CNTNAP2: variants seen among roughly 807,000 people sequenced by gnomAD.
CNTNAP2 encodes the protein contactin associated protein 2.
A neutral mutation model predicts 155.2 loss-of-function variants in CNTNAP2; 98 were observed. That is an observed-to-expected ratio of 0.63 (90% confidence interval 0.54 to 0.75). CNTNAP2 has a LOEUF of 0.75. Ranked by LOEUF, CNTNAP2 falls within the 30% of genes least tolerant of loss-of-function variation. The probability of loss-of-function intolerance (pLI) is 0.00; values close to 1 mark genes in which losing one functional copy is unlikely to be tolerated. For missense variants in CNTNAP2, 1,727 were observed against 1,688.1 expected, an observed-to-expected ratio of 1.02 and a Z score of -0.40; for synonymous variants, 651 against 631.2, an observed-to-expected ratio of 1.03 and a Z score of -0.47.
intron 8 of CNTNAP2, among the ~76,000 whole-genome samples, chr7:147,234,838 C>G (rs1803764436): frequency 6.6e-6 from 1 of 152,158 alleles, no homozygotes; most frequent in South Asian, 2.1e-4. Flanking sequence ...AGTTTTGCAT[C>G]TTTGGCAGGA....
intron 8 of CNTNAP2, among the ~76,000 whole-genome samples, chr7:147,286,561 A>T (rs1378991734): frequency 6.6e-6 from 1 of 152,126 alleles, no homozygotes; most frequent in Non-Finnish European, 1.5e-5. Context: ...TACCCAATAA[A>T]GTCAAATGGT....
At chr7:148,349,809 C>T (rs1798396242) in intron 21 of CNTNAP2, among the ~76,000 whole-genome samples, 1 of 152,146 alleles carries the variant, frequency 6.6e-6, no homozygotes, top group South Asian at 2.1e-4. Context: ...ATAGCAGGAC[C>T]AAAGACCCTG....
At chr7:147,950,874 G>C (rs115677756) in intron 14 of CNTNAP2, among the ~76,000 whole-genome samples, 2 of 152,144 alleles carry the variant, frequency 1.3e-5, no homozygotes, top group African/African-American at 4.8e-5. Flanking sequence ...AGAGAAATCC[G>C]TACCAAAAAA....
At chr7:146,764,779 T>C (rs111340740) in intron 1 of CNTNAP2, among the ~76,000 whole-genome samples, 1 of 152,130 alleles carries the variant, frequency 6.6e-6, no homozygotes, top group Non-Finnish European at 1.5e-5. Flanking sequence ...TTTTATTTCA[T>C]TATTATTTTT....
chr7:147,552,337 T>C (rs1049957689), intron 11 of CNTNAP2, among the ~76,000 whole-genome samples: 2 of 152,196 alleles, frequency 1.3e-5, no homozygotes, highest in Non-Finnish European at 2.9e-5. Flanking sequence ...TCAGTCCTAT[T>C]GCCTCATTCA....
chr7:148,177,752 T>C (rs1794964096), intron 18 of CNTNAP2, among the ~76,000 whole-genome samples: 1 of 152,216 alleles, frequency 6.6e-6, no homozygotes, highest in South Asian at 2.1e-4. Flanking sequence ...CAAGACTCCC[T>C]TTCCTTTCAT....
At position 147,762,785 on chromosome 7, in the gene CNTNAP2, G is replaced by GA. The variant is rs1358717137; in HGVS notation, c.2098+123479_2098+123480insA. On this transcript the variant is annotated intron_variant, in intron 13 of 23. Transcript: ENST00000361727. ...AAGAAAAGGAAGGAAGGAAGGGGAA[G>GA]GGGAAGAGGAGGAAGGGAAGGAAGG... 2.5e-3 allele frequency among the ~76,000 whole-genome samples: 372 copies of GA among 148,366 alleles called. 2 individuals are homozygous for GA. The highest frequency in any genetic ancestry group is 9.1e-3 in the African/African-American group (350 of 38,412).
chr7:146,306,869 A>G (rs1800722841), intron 1 of CNTNAP2, among the ~76,000 whole-genome samples: 1 of 152,170 alleles, frequency 6.6e-6, no homozygotes, highest in Non-Finnish European at 1.5e-5. Context: ...CCCACAGCCA[A>G]TATCATACTG....
intron 5 of CNTNAP2, among the ~76,000 whole-genome samples, chr7:147,115,863 T>C (rs1359389550): frequency 6.6e-6 from 1 of 152,178 alleles, no homozygotes. Context: ...TGGAGAGGTG[T>C]TGCAATCATT....
intron 1 of CNTNAP2, among the ~76,000 whole-genome samples, chr7:146,520,418 A>C (rs1797601937): frequency 6.6e-6 from 1 of 151,032 alleles, no homozygotes; most frequent in East Asian, 1.9e-4. Flanking sequence ...CCATGGGGAA[A>C]GATAGTAATA....
chr7:147,255,462 T>C (rs12670824), intron 8 of CNTNAP2, among the ~76,000 whole-genome samples: 34,788 of 152,012 alleles, frequency 0.23, 5,242 homozygotes, highest in East Asian at 0.77. Context: ...CCTCGAGTGA[T>C]CTGCCCGCCT....
At chr7:148,344,962 G>A (rs1798295919) in intron 21 of CNTNAP2, among the ~76,000 whole-genome samples, 1 of 152,202 alleles carries the variant, frequency 6.6e-6, no homozygotes, top group Non-Finnish European at 1.5e-5. Context: ...CATGAGCTGG[G>A]CGACTCTAGG....
At chr7:146,874,902 TA>T (rs1278338199) in intron 3 of CNTNAP2, among the ~76,000 whole-genome samples, 6 of 152,206 alleles carry the variant, frequency 3.9e-5, no homozygotes, top group African/African-American at 1.4e-4. Flanking sequence ...ATTTTATTTT[TA>T]AAAGCCTATT....
chr7:147,188,510 C>T (rs1802614348), intron 8 of CNTNAP2, among the ~76,000 whole-genome samples: 1 of 152,210 alleles, frequency 6.6e-6, no homozygotes, highest in Non-Finnish European at 1.5e-5. Flanking sequence ...TTATCCTCTC[C>T]TATCCCTGAG....
chr7:147,638,489 C>T (rs1795219138), intron 12 of CNTNAP2, among the ~76,000 whole-genome samples: 1 of 152,148 alleles, frequency 6.6e-6, no homozygotes, highest in Non-Finnish European at 1.5e-5. Flanking sequence ...TATTTTATAT[C>T]TGCTTCTTTT....
At chr7:147,725,710 G>A (rs1796629521) in intron 13 of CNTNAP2, among the ~76,000 whole-genome samples, 2 of 152,076 alleles carry the variant, frequency 1.3e-5, no homozygotes, top group African/African-American at 4.8e-5. Flanking sequence ...TGCTTTTCGG[G>A]TAAAGGTCCG....
intron 1 of CNTNAP2, among the ~76,000 whole-genome samples, chr7:146,529,237 A>T (rs968376577): frequency 6.6e-6 from 1 of 152,140 alleles, no homozygotes; most frequent in African/African-American, 2.4e-5. Flanking sequence ...AATGTTTTCA[A>T]TTTTTTTGTA....
At chr7:146,352,750 G>GTTGTTGTTGTT (rs1554421455) in intron 1 of CNTNAP2, among the ~76,000 whole-genome samples, 1 of 64,338 alleles carries the variant, frequency 1.6e-5, no homozygotes, top group African/African-American at 6.4e-5. Flanking sequence ...GCATAATTCT[G>GTTGTTGTTGTT]TTTTTTTTTT....
At chr7:148,118,025 TG>T in intron 15 of CNTNAP2, 92 bp from the exon 16 acceptor site, 1 of 1,268,588 alleles carries the variant, frequency 7.9e-7, no homozygotes, top group Non-Finnish European at 1.1e-6. Context: ...CTATTGCTAA[TG>T]GTACTTATTA....
Sources: allele counts gnomAD v4.1 joint callset (sites outside exome capture counted in the v4.1 genomes callset), GRCh38; gene constraint gnomAD v4.1.1; transcripts MANE v1.5; gene names NCBI Gene and HGNC (gene_info 2026-07-23, HGNC 2026-07-21).